SEMA3A: variants seen among roughly 807,000 people sequenced by gnomAD.
The protein encoded by SEMA3A is semaphorin 3A.
SEMA3A carries 29 observed loss-of-function variants against 97.9 expected under a neutral mutation model. That is an observed-to-expected ratio of 0.30 (90% confidence interval 0.22 to 0.40). The LOEUF is 0.40. Ranked by LOEUF, SEMA3A falls within the 10% of genes least tolerant of loss-of-function variation. The pLI is 1.00. For missense variants in SEMA3A, 763 were observed against 951.3 expected (o/e 0.80, Z 2.60); for synonymous variants, 321 against 323.7 (o/e 0.99, Z 0.09).
chr7:84,392,605 T>A (rs78578720), intron 1 of SEMA3A, among the ~76,000 whole-genome samples: 3,977 of 152,216 alleles, frequency 0.026, 163 homozygotes, highest in African/African-American at 0.089. Flanking sequence ...TTGCCGGTAA[T>A]TGAATTTTTA....
At position 84,127,837 on chromosome 7, in the gene SEMA3A, G is replaced by C. The variant is rs77853823; in HGVS notation, c.333+1286C>G. 1.7e-4 allele frequency among the ~76,000 whole-genome samples: 26 copies of C among 151,814 alleles called. No individual in the cohort carries two copies. In the East Asian group the frequency reaches 5.1e-3, roughly 30 times the overall value. On this transcript the variant is annotated intron_variant, in intron 3 of 16. Transcript: ENST00000265362. ...GTATCTATATACACATGTACAGTTT[G>C]ATTTATGCCTTTAGGCAACACACAG...
chr7:84,419,820 G>T (rs753122068), intron 1 of SEMA3A, among the ~76,000 whole-genome samples: 1 of 152,120 alleles, frequency 6.6e-6, no homozygotes, highest in Non-Finnish European at 1.5e-5. Context: ...GGAAATAAAG[G>T]CTAAGGCAGC....
At chr7:84,479,821 T>G (rs1370347871) in intron 1 of SEMA3A, among the ~76,000 whole-genome samples, 2 of 152,036 alleles carry the variant, frequency 1.3e-5, no homozygotes, top group Non-Finnish European at 2.9e-5. Flanking sequence ...AATAAGAAGC[T>G]CAATAGTTAG....
At chr7:84,128,199 A>ATT (rs1795858847) in intron 3 of SEMA3A, among the ~76,000 whole-genome samples, 1 of 152,020 alleles carries the variant, frequency 6.6e-6, no homozygotes, top group African/African-American at 2.4e-5. Flanking sequence ...GACAATTCCT[A>ATT]TTGCATGGTC....
rs1260114649 is a variant in SEMA3A, at chr7:84,053,852, G to A, written c.547+6613C>T. Among the ~76,000 whole-genome samples, 29 of 107,522 alleles carry A rather than the reference G, an allele frequency of 2.7e-4. 1 individual carries two copies. Among genetic ancestry groups the A allele is most frequent in the Admixed American group, 5.2e-4 (5 of 9,592 alleles). The allele number at this position is 107,522 out of a possible 152,430, so 70.5% of individuals were successfully genotyped here. A position where few individuals can be genotyped will look rare whatever the true frequency, so the allele number is the denominator to read the frequency against. On this transcript the variant is annotated intron_variant, in intron 5 of 16. Transcript: ENST00000265362. ...GCATGATTTTGCAGTGGCTGGTACC[G>A]GTTGTTCCTTTCCATGTTTAGCGCT... is the stretch of plus-strand genomic sequence containing the variant.
intron 1 of SEMA3A, among the ~76,000 whole-genome samples, chr7:84,158,314 C>G (rs187630569): frequency 6.6e-6 from 1 of 151,822 alleles, no homozygotes; most frequent in Non-Finnish European, 1.5e-5. Context: ...ACCACCACAC[C>G]GGGCTAATTT....
At chr7:84,024,393 A>C (rs116568134) in intron 6 of SEMA3A, among the ~76,000 whole-genome samples, 29,099 of 151,908 alleles carry the variant, frequency 0.19, 3,022 homozygotes, top group East Asian at 0.41. Context: ...ATACAAAAAA[A>C]AAATTAGACG....
chr7:84,087,549 A>T (rs903079774), intron 4 of SEMA3A, among the ~76,000 whole-genome samples: 1 of 152,204 alleles, frequency 6.6e-6, no homozygotes, highest in Non-Finnish European at 1.5e-5. Context: ...ATTTTAATGA[A>T]TATTCCTACA....
intron 2 of SEMA3A, among the ~76,000 whole-genome samples, chr7:84,346,921 C>A (rs1161387278): frequency 2.0e-5 from 3 of 152,066 alleles, no homozygotes; most frequent in Non-Finnish European, 4.4e-5. Context: ...AGGAATAATT[C>A]CCATATAGTA....
intron 1 of SEMA3A, among the ~76,000 whole-genome samples, chr7:84,168,295 G>T (rs2116193252): frequency 6.6e-6 from 1 of 152,024 alleles, no homozygotes; most frequent in African/African-American, 2.4e-5. Context: ...AAATTAATGG[G>T]TATAGTCTCC....
At chr7:83,976,353 T>C (rs1789147552) in intron 15 of SEMA3A, among the ~76,000 whole-genome samples, 1 of 152,146 alleles carries the variant, frequency 6.6e-6, no homozygotes, top group Non-Finnish European at 1.5e-5. Flanking sequence ...TAAGTGACAA[T>C]GTTTACATTG....
At chr7:84,415,533 G>A (rs1804409928) in intron 1 of SEMA3A, among the ~76,000 whole-genome samples, 1 of 152,092 alleles carries the variant, frequency 6.6e-6, no homozygotes, top group African/African-American at 2.4e-5. Flanking sequence ...GCTTTCAAAT[G>A]GATCTGATAA....
At chr7:84,366,999 C>T (rs1802863814) in intron 2 of SEMA3A, among the ~76,000 whole-genome samples, 1 of 150,352 alleles carries the variant, frequency 6.7e-6, no homozygotes, top group African/African-American at 2.4e-5. Context: ...AAAAAAAAAC[C>T]TTAATTTTTG....
At chr7:84,165,745 G>C (rs937258486) in intron 1 of SEMA3A, among the ~76,000 whole-genome samples, 1 of 152,040 alleles carries the variant, frequency 6.6e-6, no homozygotes, top group African/African-American at 2.4e-5. Context: ...TAGAGACAGG[G>C]TTTCACCATG....
At chr7:84,336,875 C>T (rs572922433) in intron 2 of SEMA3A, among the ~76,000 whole-genome samples, 2 of 152,208 alleles carry the variant, frequency 1.3e-5, no homozygotes, top group East Asian at 1.9e-4. Context: ...TGTACTATTT[C>T]TCAATTTCCT....
chr7:84,127,215 G>C (rs1384867124), intron 3 of SEMA3A, among the ~76,000 whole-genome samples: 1 of 151,720 alleles, frequency 6.6e-6, no homozygotes, highest in East Asian at 1.9e-4. Flanking sequence ...GAATCCTGTT[G>C]AGTCAGTTTA....
At chr7:83,992,721 G>A (rs1790016634) in intron 12 of SEMA3A, among the ~76,000 whole-genome samples, 1 of 151,992 alleles carries the variant, frequency 6.6e-6, no homozygotes. Context: ...CATTTGCTGA[G>A]GAGAGCTTCC....
chr7:84,252,573 C>T (rs1269906019), intron 3 of SEMA3A, among the ~76,000 whole-genome samples: 1 of 152,112 alleles, frequency 6.6e-6, no homozygotes, highest in Non-Finnish European at 1.5e-5. Context: ...GCTTGAAAGA[C>T]ATTTATCATT....
intron 2 of SEMA3A, among the ~76,000 whole-genome samples, chr7:84,367,319 C>T (rs552309300): frequency 6.6e-6 from 1 of 151,284 alleles, no homozygotes; most frequent in Non-Finnish European, 1.5e-5. Context: ...GGTTATATGC[C>T]ATTGCCTTAA....
Sources: allele counts gnomAD v4.1 joint callset (sites outside exome capture counted in the v4.1 genomes callset), GRCh38; gene constraint gnomAD v4.1.1; transcripts MANE v1.5; gene names NCBI Gene and HGNC (gene_info 2026-07-23, HGNC 2026-07-21).